Variants in MAST4 observed in about 807,000 individuals in gnomAD.
The protein encoded by MAST4 is microtubule associated serine/threonine kinase family member 4.
In MAST4, 89 loss-of-function variants were observed where a neutral mutation model predicts 162.7. That is an observed-to-expected ratio of 0.55 (90% CI 0.46 to 0.65). MAST4 has a LOEUF of 0.65. MAST4 is among the 30% of genes least tolerant of loss of function. The probability of loss-of-function intolerance (pLI) is 0.00; values close to 1 mark genes in which losing one functional copy is unlikely to be tolerated. For missense variants in MAST4, 3,153 were observed against 3,374.0 expected (o/e 0.93, Z 1.62); for synonymous variants, 1,479 against 1,361.1 (o/e 1.09, Z -1.91).
At position 67,144,721 on chromosome 5, in the gene MAST4, ACT is replaced by A. The variant is rs774795097; in HGVS notation, c.2786_2787del (p.Ser929CysfsTer23). On this transcript the variant is annotated frameshift_variant, in exon 22 of 29. Coordinates refer to ENST00000403625, the MANE Select transcript of MAST4 (RefSeq NM_001164664.2). LOFTEE classifies it high-confidence loss of function. Reference sequence around the variant, plus strand: ...CAGAATTCAGCAGAAGAGAAGGAAGACTCTGTGGACAAAACCAAAAGCACCAC... The same window carrying A: ...CAGAATTCAGCAGAAGAGAAGGAAGACTGTGGACAAAACCAAAAGCACCAC... The A allele has an allele frequency of 1.2e-6, 2 of 1,613,946 alleles. No homozygotes were observed. Among genetic ancestry groups the A allele is most frequent in the Non-Finnish European group, 1.7e-6 (2 of 1,179,840 alleles).
intron 4 of MAST4, among the ~76,000 whole-genome samples, chr5:67,002,683 T>G (rs550313348): frequency 6.6e-6 from 1 of 152,300 alleles, no homozygotes; most frequent in South Asian, 2.1e-4. Flanking sequence ...ATGTATGCCA[T>G]CTCCTCTTCA....
chr5:66,811,252 C>T (rs945765703), intron 3 of MAST4, among the ~76,000 whole-genome samples: 10 of 152,182 alleles, frequency 6.6e-5, no homozygotes, highest in South Asian at 2.1e-4. Flanking sequence ...CAGGAATAAA[C>T]GGCTTATGGC....
At chr5:66,660,931 G>A (rs1746866886) in intron 1 of MAST4, among the ~76,000 whole-genome samples, 1 of 152,070 alleles carries the variant, frequency 6.6e-6, no homozygotes, top group Non-Finnish European at 1.5e-5. Context: ...ATTTCTCTTA[G>A]CACCAGACTA....
chr5:66,904,661 C>G (rs17283091), intron 4 of MAST4, among the ~76,000 whole-genome samples: 1 of 151,976 alleles, frequency 6.6e-6, no homozygotes, highest in South Asian at 2.1e-4. Context: ...TCTGGCCACA[C>G]CTGCTTGATT....
intron 3 of MAST4, among the ~76,000 whole-genome samples, chr5:66,825,141 G>A (rs567116274): frequency 9.2e-5 from 14 of 151,940 alleles, no homozygotes; most frequent in East Asian, 5.8e-4. Context: ...AAATTCTTTC[G>A]CAATATCACT....
chr5:66,943,107 G>T (rs1207883875), intron 4 of MAST4, among the ~76,000 whole-genome samples: 1 of 152,006 alleles, frequency 6.6e-6, no homozygotes, highest in Admixed American at 6.6e-5. Context: ...CATATTGGGG[G>T]GTAGGATTTT....
intron 12 of MAST4, among the ~76,000 whole-genome samples, chr5:67,118,440 C>A (rs1286468901): frequency 3.3e-5 from 5 of 152,176 alleles, no homozygotes; most frequent in African/African-American, 1.2e-4. Flanking sequence ...CTATGCCCAG[C>A]CTCTAAAGTT....
chr5:67,130,214 G>A lies in MAST4; in HGVS notation c.1750G>A (p.Val584Ile). 6.2e-7 allele frequency: 1 copy of A among 1,611,368 alleles called. No homozygotes were observed. Among genetic ancestry groups the A allele is most frequent in the South Asian group, 1.1e-5 (1 of 90,738 alleles). Residue 584 changes from valine to isoleucine, a missense_variant, in exon 15 of 29, where the codon GTC becomes ATC. Around this residue, in one of 7 missense-constraint regions of MAST4, gnomAD observed 360 missense variants for 450.0 expected, o/e 0.80. Transcript: ENST00000403625. ...AATACTTCTGCTCCTTTTCAGGGCA[G>A]TCTACTTTGTTCGGCATAAAGAATC... ...KLISNGAYGAVYFVRHKESRQ... is the reference protein window; with the variant it reads ...KLISNGAYGAIYFVRHKESRQ...
chr5:66,979,408 G>A (rs1275872276), intron 4 of MAST4, among the ~76,000 whole-genome samples: 1 of 152,136 alleles, frequency 6.6e-6, no homozygotes, highest in East Asian at 1.9e-4. Context: ...GTTTGGGGAA[G>A]CATGTTCAGC....
At chr5:67,140,365 A>T (rs1179422426) in intron 19 of MAST4, among the ~76,000 whole-genome samples, 1 of 152,268 alleles carries the variant, frequency 6.6e-6, no homozygotes, top group Admixed American at 6.5e-5. Context: ...GCAGTTGTGC[A>T]TACGGACATT....
chr5:67,051,628 C>T (rs542336346), intron 4 of MAST4, among the ~76,000 whole-genome samples: 4 of 152,246 alleles, frequency 2.6e-5, no homozygotes, highest in Admixed American at 2.0e-4. Flanking sequence ...CTCTTCCTTC[C>T]TGTACCCTGG....
chr5:67,124,829 GT>G (rs1768024101), intron 14 of MAST4, among the ~76,000 whole-genome samples: 1 of 152,162 alleles, frequency 6.6e-6, no homozygotes, highest in South Asian at 2.1e-4. Flanking sequence ...GACTAAAGCC[GT>G]TTTTTATATA....
chr5:67,078,923 T>TATATA lies in MAST4; in HGVS notation c.764-11238_764-11234dup, dbSNP rs1561622274. Among the ~76,000 whole-genome samples, 463 of 81,682 alleles carry TATATA rather than the reference T, an allele frequency of 5.7e-3. 14 individuals are homozygous for TATATA. The highest frequency in any genetic ancestry group is 0.011 in the South Asian group (30 of 2,730). 53.6% of individuals were successfully genotyped at this position (81,682 alleles called of 152,430 possible). ...ATATTTTTATATAAATATATATATA[T>TATATA]ATATATATATATATATATATATATA... is the stretch of plus-strand genomic sequence containing the variant. On this transcript the variant is annotated intron_variant, in intron 5 of 28. Transcript: ENST00000403625.
chr5:66,928,690 C>T (rs559317023), intron 4 of MAST4, among the ~76,000 whole-genome samples: 2 of 152,266 alleles, frequency 1.3e-5, no homozygotes, highest in South Asian at 4.1e-4. Flanking sequence ...CTTCAGAGCA[C>T]AGCTTTGTAT....
chr5:67,163,130 C>A lies in MAST4; in HGVS notation c.3968-17C>A. 6.3e-7 allele frequency: 1 copy of A among 1,588,736 alleles called. No homozygotes were observed. Among genetic ancestry groups the A allele is most frequent in the Middle Eastern group, 1.7e-4 (1 of 5,934 alleles). ...AATGACCATGGATGCTCACAGCCTT[C>A]TGTTTTCCATCCACAGGTACTAATT... On this transcript the variant is annotated splice_polypyrimidine_tract_variant and intron_variant, in intron 28 of 28. Transcript: ENST00000403625. The surrounding 1 kb of genome is among the most constrained non-coding windows in gnomAD (Gnocchi z 7.0).
intron 1 of MAST4, among the ~76,000 whole-genome samples, chr5:66,747,097 GGTGTGTGT>G (rs138318051): frequency 0.011 from 1,637 of 146,090 alleles, 30 homozygotes; most frequent in African/African-American, 0.038. Context: ...GCATGCGCAT[GGTGTGTGT>G]GTGTGTGTGT....
At position 66,596,828 on chromosome 5, in the gene MAST4, C is replaced by T; in HGVS notation, c.173C>T (p.Ser58Phe). The change falls in exon 1 of 29, where the codon TCC (serine) becomes TTC (phenylalanine). Residue 58 changes from serine to phenylalanine, a missense_variant. Around this residue, in one of 7 missense-constraint regions of MAST4, gnomAD observed 327 missense variants for 336.5 expected, o/e 0.97. Coordinates refer to ENST00000403625, the MANE Select transcript of MAST4 (RefSeq NM_001164664.2). ...GAGGAAGGGGAGCCCGGCGGCTTCT[C>T]CAGAGAGCATCAGCCGCCGCCGCCG... is the stretch of plus-strand genomic sequence containing the variant. ...LSEEGEPGGF[S>F]REHQPPPPPP... 1 of 1,315,648 alleles carries T rather than the reference C, an allele frequency of 7.6e-7. No homozygotes were observed. Among genetic ancestry groups the T allele is most frequent in the Non-Finnish European group, 9.7e-7 (1 of 1,032,340 alleles). The allele number at this position is 1,315,648 out of a possible 1,614,324, so 81.5% of individuals were successfully genotyped here. A position where few individuals can be genotyped will look rare whatever the true frequency, so the allele number is the denominator to read the frequency against.
chr5:66,783,226 T>C (rs1003463933), intron 2 of MAST4: 4 of 152,246 alleles, frequency 2.6e-5, no homozygotes, highest in African/African-American at 9.6e-5. Context: ...TTTAACAAAA[T>C]TTTATTTCTG....
chr5:66,972,448 A>G (rs1004282044), intron 4 of MAST4, among the ~76,000 whole-genome samples: 24 of 152,174 alleles, frequency 1.6e-4, no homozygotes, highest in Admixed American at 2.6e-4. Flanking sequence ...TCCTCTTTAT[A>G]TAAAATACAA....
Sources: gnomAD v4.1 joint callset for allele counts (sites outside exome capture counted in the v4.1 genomes callset) on GRCh38, gnomAD v4.1.1 for gene constraint, gnomAD v4.1.1 regional missense constraint, Gnocchi (gnomAD v3.1) non-coding constraint, MANE v1.5 for transcripts, NCBI Gene and HGNC (gene_info 2026-07-23, HGNC 2026-07-21) for gene names.